Variants in CENPE observed in about 807,000 individuals in gnomAD.
The protein encoded by CENPE is centromere protein E, also known as centromere-associated protein E.
CENPE carries 145 observed loss-of-function variants against 336.1 expected under a neutral mutation model. The ratio of observed to expected loss-of-function variants is 0.43; its 90% CI spans 0.38 to 0.50. CENPE has a LOEUF of 0.50. Ranked by LOEUF, CENPE falls within the 20% of genes least tolerant of loss-of-function variation. The pLI is 0.00. For synonymous variants in CENPE, 1,013 were observed against 984.8 expected, an observed-to-expected ratio of 1.03 and a Z score of -0.54; for missense variants, 2,719 against 3,023.3, an observed-to-expected ratio of 0.90 and a Z score of 2.36.
chr4:103,127,868 A>G (rs1751263786), intron 42 of CENPE, among the ~76,000 whole-genome samples: 1 of 152,160 alleles, frequency 6.6e-6, no homozygotes, highest in Admixed American at 6.5e-5. Context: ...ATAGGTACAA[A>G]GAATAAGGGC....
chr4:103,122,154 T>C (rs1344115180), intron 43 of CENPE, among the ~76,000 whole-genome samples: 1 of 152,216 alleles, frequency 6.6e-6, no homozygotes, highest in Non-Finnish European at 1.5e-5. Context: ...AGGTCTGTAA[T>C]GCCCTACAAA....
At chr4:103,188,090 G>A (rs1756960829) in intron 8 of CENPE, among the ~76,000 whole-genome samples, 1 of 152,120 alleles carries the variant, frequency 6.6e-6, no homozygotes, top group African/African-American at 2.4e-5. Flanking sequence ...AACAAGAAGA[G>A]CTAACTATCC....
intron 8 of CENPE, among the ~76,000 whole-genome samples, chr4:103,189,995 A>C (rs1407274434): frequency 6.6e-6 from 1 of 152,176 alleles, no homozygotes; most frequent in Non-Finnish European, 1.5e-5. Context: ...TTATACACCA[A>C]TAACAGACAA....
intron 38 of CENPE, 56 bp from the exon 39 acceptor site, chr4:103,138,505 A>G (rs1752265478): frequency 2.7e-6 from 3 of 1,099,944 alleles, no homozygotes; most frequent in East Asian, 4.7e-5. Flanking sequence ...ATTCACATAT[A>G]ATGTCTAATC....
chr4:103,176,598 T>C (rs1379491477), intron 14 of CENPE, among the ~76,000 whole-genome samples: 1 of 152,170 alleles, frequency 6.6e-6, no homozygotes, highest in Non-Finnish European at 1.5e-5. Flanking sequence ...AGTTTCACTC[T>C]TGTCACCCAG....
At chr4:103,191,233 G>C (rs781320470) in intron 8 of CENPE, among the ~76,000 whole-genome samples, 1 of 152,224 alleles carries the variant, frequency 6.6e-6, no homozygotes, top group Non-Finnish European at 1.5e-5. Flanking sequence ...GTGGAAGACA[G>C]TGTGGTGATT....
In CENPE at chr4:103,133,877, C is replaced by T. The variant is rs754052289; in HGVS notation, c.6538G>A (p.Val2180Ile). 18 of 1,578,196 alleles carry T rather than the reference C, an allele frequency of 1.1e-5. No individual in the cohort carries two copies. The highest frequency in any genetic ancestry group is 1.5e-5 in the Non-Finnish European group (17 of 1,155,830). Residue 2180 changes from valine to isoleucine, a missense_variant, in exon 41 of 49, where the codon GTT (valine) becomes ATT (isoleucine). Physicochemically the swap from Val to Ile is conservative, Grantham distance 29. Coordinates refer to ENST00000265148, the MANE Select transcript of CENPE (RefSeq NM_001813.3). ...MKKLKYVLSY[V>I]TKIKEEQHES... ...TGTTGTTCTTCTTTTATTTTTGTAA[C>T]ATAGCTTAACACATACTTGCAGAAA...
At position 103,114,440 on chromosome 4, in the gene CENPE, G is replaced by A. The variant is rs1210492760; in HGVS notation, c.7540+15C>T. ...AGTAAAATTTCATCTGAAAATATCTGCATTTTCTACTTACCTGAGGTATCT... is the reference window on the plus strand; with the variant it reads ...AGTAAAATTTCATCTGAAAATATCTACATTTTCTACTTACCTGAGGTATCT... On this transcript the variant is annotated intron_variant, in intron 46 of 48. Coordinates refer to ENST00000265148, the MANE Select transcript of CENPE (RefSeq NM_001813.3). The A allele has an allele frequency of 2.1e-6, 3 of 1,463,388 alleles. No individual in the cohort carries two copies. The highest frequency in any genetic ancestry group is 3.3e-5 in the Admixed American group (2 of 59,762). 90.7% of individuals were successfully genotyped at this position (1,463,388 alleles called of 1,614,324 possible). A position where few individuals can be genotyped will look rare whatever the true frequency, so the allele number is the denominator to read the frequency against.
At position 103,153,033 on chromosome 4, in the gene CENPE, G is replaced by A. The variant is rs752073930; in HGVS notation, c.3237+14C>T. Reference sequence around the variant, plus strand: ...ACAAAAAGGTAATGCCAAGTATACAGTGCTAAATCCTACCATTTCAATATT... The same window carrying A: ...ACAAAAAGGTAATGCCAAGTATACAATGCTAAATCCTACCATTTCAATATT... On this transcript the variant is annotated intron_variant, in intron 25 of 48. Coordinates refer to ENST00000265148, the MANE Select transcript of CENPE (RefSeq NM_001813.3). 6.3e-7 allele frequency: 1 copy of A among 1,588,610 alleles called. No individual in the cohort carries two copies. The highest frequency in any genetic ancestry group is 8.6e-7 in the Non-Finnish European group (1 of 1,161,664).
intron 42 of CENPE, 132 bp from the exon 43 acceptor site, chr4:103,123,221 C>T: frequency 1.5e-6 from 1 of 665,248 alleles, no homozygotes; most frequent in Non-Finnish European, 2.6e-6. Context: ...TGGGAAATTC[C>T]AGAAATAAAC....
intron 46 of CENPE, among the ~76,000 whole-genome samples, chr4:103,112,430 CTTAT>C (rs1749544199): frequency 4.4e-5 from 6 of 137,124 alleles, no homozygotes; most frequent in Admixed American, 3.1e-4. Context: ...TACTTATATA[CTTAT>C]ACATACATAT....
At position 103,149,363 on chromosome 4, in the gene CENPE, C is replaced by T. The variant is rs1193410033; in HGVS notation, c.3442G>A (p.Glu1148Lys). 10 of 1,594,856 alleles carry T rather than the reference C, an allele frequency of 6.3e-6. No individual in the cohort carries two copies. The highest frequency in any genetic ancestry group is 8.5e-6 in the Non-Finnish European group (10 of 1,175,120). ...EKQQQLLNVQ[E>K]EMSEMQKKIN... ...TTTTTCTGCATCTCACTCATCTCTTCTTGTACATTAAGAAGTTGTTGCTGT... is the reference window on the plus strand; with the variant it reads ...TTTTTCTGCATCTCACTCATCTCTTTTTGTACATTAAGAAGTTGTTGCTGT... Residue 1148 changes from glutamate to lysine, a missense_variant, in exon 27 of 49, where the codon GAA becomes AAA. Transcript: ENST00000265148.
rs1045977368 is a variant in CENPE, at chr4:103,144,413, C to T, written c.5063G>A (p.Arg1688Lys). The T allele has an allele frequency of 1.2e-6, 2 of 1,613,978 alleles. No homozygotes were observed. The change falls in exon 33 of 49, where the codon AGA (arginine) becomes AAA (lysine). Residue 1688 changes from arginine to lysine, a missense_variant. Physicochemically the swap from Arg to Lys is conservative, Grantham distance 26 (BLOSUM62 2). Transcript: ENST00000265148. ...CTCCTCCACACTCCTAAGGTCATCT[C>T]TTTCTTTTGTTACAGATCTCATTTC... ...LEEMRSVTKE[R>K]DDLRSVEETL...
chr4:103,173,117 A>G (rs62327338), intron 16 of CENPE, among the ~76,000 whole-genome samples: 11 of 152,056 alleles, frequency 7.2e-5, no homozygotes, highest in Non-Finnish European at 1.5e-4. Flanking sequence ...ATATATTACA[A>G]AACTATAGTA....
chr4:103,130,386 G>GTAA (rs986452080), intron 42 of CENPE, among the ~76,000 whole-genome samples: 3 of 152,088 alleles, frequency 2.0e-5, no homozygotes, highest in African/African-American at 7.2e-5. Flanking sequence ...ATTTACAAGT[G>GTAA]TAATTTGAAA....
intron 8 of CENPE, among the ~76,000 whole-genome samples, chr4:103,191,964 A>G (rs1394970658): frequency 1.3e-5 from 2 of 152,070 alleles, no homozygotes; most frequent in Admixed American, 1.3e-4. Context: ...TGGGGCAGGA[A>G]TCTCGGTGAG....
At chr4:103,114,703 G>C in intron 45 of CENPE, 151 bp from the exon 46 acceptor site, 1 of 610,694 alleles carries the variant, frequency 1.6e-6, no homozygotes, top group South Asian at 2.0e-5. Flanking sequence ...CCTCTCTGGT[G>C]CCATGTGCCT....
chr4:103,120,487 C>A (rs536931091), intron 43 of CENPE, among the ~76,000 whole-genome samples, 154 bp from the exon 44 acceptor site: 1 of 152,164 alleles, frequency 6.6e-6, no homozygotes, highest in Non-Finnish European at 1.5e-5. Context: ...ATTCAATCTA[C>A]AGACATGTTA....
chr4:103,129,552 C>A (rs1751406844), intron 42 of CENPE, among the ~76,000 whole-genome samples: 1 of 151,946 alleles, frequency 6.6e-6, no homozygotes, highest in Non-Finnish European at 1.5e-5. Flanking sequence ...GCCTGACCAA[C>A]ATGGTGAAAC....
Sources: gnomAD v4.1 joint callset for allele counts (sites outside exome capture counted in the v4.1 genomes callset) on GRCh38, gnomAD v4.1.1 for gene constraint, MANE v1.5 for transcripts, NCBI Gene and HGNC (gene_info 2026-07-23, HGNC 2026-07-21) for gene names.